Variants in FARS2 observed in about 807,000 individuals in gnomAD.
FARS2 encodes the protein phenylalanyl-tRNA synthetase 2, mitochondrial, also known as phenylalanine--tRNA ligase, mitochondrial.
FARS2 carries 40 observed loss-of-function variants against 46.4 expected under a neutral mutation model. The ratio of observed to expected loss-of-function variants is 0.86; its 90% CI spans 0.67 to 1.12. FARS2 has a LOEUF of 1.12. Ranked by LOEUF, FARS2 falls within the 50% of genes most tolerant of loss-of-function variation. The probability of loss-of-function intolerance (pLI) is 0.00; values close to 1 mark genes in which losing one functional copy is unlikely to be tolerated. For synonymous variants in FARS2, 234 were observed against 214.9 expected, an observed-to-expected ratio of 1.09 and a Z score of -0.78; for missense variants, 513 against 567.9, an observed-to-expected ratio of 0.90 and a Z score of 0.98.
chr6:5,701,283 C>T (rs941918363), intron 6 of FARS2, among the ~76,000 whole-genome samples: 2 of 152,262 alleles, frequency 1.3e-5, no homozygotes, highest in African/African-American at 4.8e-5. Flanking sequence ...GTTGGTCAAA[C>T]ACATGAAAAG....
chr6:5,647,724 A>C (rs991258942), intron 6 of FARS2, among the ~76,000 whole-genome samples: 3 of 152,258 alleles, frequency 2.0e-5, no homozygotes, highest in Non-Finnish European at 2.9e-5. Flanking sequence ...TGATGGGGAA[A>C]GGACTAACAA....
chr6:5,422,321 A>G (rs1188151313), intron 3 of FARS2, among the ~76,000 whole-genome samples: 1 of 152,072 alleles, frequency 6.6e-6, no homozygotes, highest in African/African-American at 2.4e-5. Context: ...GCCAAACCAT[A>G]TCACCTTTTA....
At chr6:5,528,068 A>T (rs952930835) in intron 4 of FARS2, among the ~76,000 whole-genome samples, 7 of 152,178 alleles carry the variant, frequency 4.6e-5, no homozygotes, top group Admixed American at 4.6e-4. Flanking sequence ...TATTCCCTTT[A>T]CGTTTTCAAA....
chr6:5,298,862 CAAAAAA>C (rs771852149), intron 1 of FARS2, among the ~76,000 whole-genome samples: 4 of 74,740 alleles, frequency 5.4e-5, no homozygotes, highest in Admixed American at 1.5e-4. Flanking sequence ...AACTCCATCT[CAAAAAA>C]AAAAAAAAAA....
chr6:5,644,566 C>G (rs531879434), intron 6 of FARS2, among the ~76,000 whole-genome samples: 1 of 152,214 alleles, frequency 6.6e-6, no homozygotes, highest in African/African-American at 2.4e-5. Context: ...GCCAGCAGAT[C>G]TACTCTCATG....
In FARS2 at chr6:5,431,144, G is replaced by A. The variant is rs776599876; in HGVS notation, c.876G>A (p.Gly292=). Residue 292 remains glycine (G), a synonymous_variant, in exon 4 of 7, where the codon GGG becomes GGA. Coordinates refer to ENST00000274680, the MANE Select transcript of FARS2 (RefSeq NM_006567.5). ...HGEWLEVLGC[G]VMEQQLVNSA... ...AATGGCTGGAAGTTCTTGGCTGCGG[G>A]GTGATGGAACAACAACTGGTCAATT... The A allele has an allele frequency of 5.0e-6, 8 of 1,613,852 alleles. No homozygotes were observed. In the East Asian group the frequency reaches 1.6e-4, roughly 31 times the overall value.
At chr6:5,701,534 T>G (rs150492614) in intron 6 of FARS2, among the ~76,000 whole-genome samples, 1 of 152,318 alleles carries the variant, frequency 6.6e-6, no homozygotes, top group East Asian at 1.9e-4. Context: ...AGGCGCAGAA[T>G]AGATTGTACT....
At chr6:5,534,206 C>T (rs547356261) in intron 4 of FARS2, among the ~76,000 whole-genome samples, 4 of 152,198 alleles carry the variant, frequency 2.6e-5, no homozygotes, top group Non-Finnish European at 4.4e-5. Flanking sequence ...CAGAAAGTGA[C>T]GAACACATGA....
intron 6 of FARS2, among the ~76,000 whole-genome samples, chr6:5,710,960 A>C (rs1759107698): frequency 6.6e-6 from 1 of 152,212 alleles, no homozygotes; most frequent in Non-Finnish European, 1.5e-5. Context: ...CTGGACTGAA[A>C]GCTGCTAACA....
intron 5 of FARS2, among the ~76,000 whole-genome samples, chr6:5,559,535 A>C (rs1309001840): frequency 6.6e-6 from 1 of 152,150 alleles, no homozygotes; most frequent in African/African-American, 2.4e-5. Flanking sequence ...TACCTTTCTC[A>C]TGTTCTTATC....
intron 6 of FARS2, among the ~76,000 whole-genome samples, chr6:5,643,496 G>A (rs900720390): frequency 1.3e-5 from 2 of 152,160 alleles, no homozygotes; most frequent in Admixed American, 6.5e-5. Flanking sequence ...GCCGACATTC[G>A]TTCATTCACT....
chr6:5,612,323 A>T (rs7751307), intron 5 of FARS2, among the ~76,000 whole-genome samples: 5,436 of 152,284 alleles, frequency 0.036, 305 homozygotes, highest in African/African-American at 0.12. Flanking sequence ...CCCTTCTAAA[A>T]GATGTTTGGA....
At chr6:5,341,194 T>TATATATATAG (rs1257727742) in intron 1 of FARS2, among the ~76,000 whole-genome samples, 143 of 7,754 alleles carry the variant, frequency 0.018, 5 homozygotes, top group Non-Finnish European at 0.029. Context: ...GGGAGATATA[T>TATATATATAG]ATATATATAT....
chr6:5,341,223 ATATATATATATATTTTT>A lies in FARS2; in HGVS notation c.-21-27325_-21-27309del, dbSNP rs1347804361. Among the ~76,000 whole-genome samples, 13 of 5,300 alleles carry A rather than the reference ATATATATATATATTTTT, an allele frequency of 2.5e-3. 1 individual carries two copies. The highest frequency in any genetic ancestry group is 8.2e-3 in the African/African-American group (12 of 1,468). The allele number at this position is 5,300 out of a possible 152,430, so 3.5% of individuals were successfully genotyped here. On this transcript the variant is annotated intron_variant, in intron 1 of 6. Transcript: ENST00000274680. ...TATATATATATATATATATATATAT[ATATATATATATATTTTT>A]TTTTTTTTTTTTTTTTTCCCTGTGA...
chr6:5,700,412 CTT>C (rs574788039), intron 6 of FARS2, among the ~76,000 whole-genome samples: 2 of 144,594 alleles, frequency 1.4e-5, no homozygotes, highest in Middle Eastern at 3.6e-3. Context: ...GTGGCAATTT[CTT>C]TTTTTTTTTT....
intron 4 of FARS2, among the ~76,000 whole-genome samples, chr6:5,501,642 G>C (rs1767807297): frequency 6.6e-6 from 1 of 152,036 alleles, no homozygotes; most frequent in Non-Finnish European, 1.5e-5. Flanking sequence ...CTACAGGCGT[G>C]AGCCACCACA....
At chr6:5,649,534 G>A (rs562234869) in intron 6 of FARS2, among the ~76,000 whole-genome samples, 1 of 152,338 alleles carries the variant, frequency 6.6e-6, no homozygotes, top group South Asian at 2.1e-4. Flanking sequence ...CAGGAACACC[G>A]TGAAGGATAC....
At chr6:5,461,173 GTAC>G (rs1263618482) in intron 4 of FARS2, among the ~76,000 whole-genome samples, 2 of 151,944 alleles carry the variant, frequency 1.3e-5, no homozygotes, top group African/African-American at 2.4e-5. Context: ...CGAGTAGCTG[GTAC>G]TACCGGCATG....
At chr6:5,580,014 G>A (rs1009639850) in intron 5 of FARS2, among the ~76,000 whole-genome samples, 4 of 151,890 alleles carry the variant, frequency 2.6e-5, no homozygotes, top group Non-Finnish European at 2.9e-5. Context: ...AGGGTAGGCC[G>A]GGCGCAGTGG....
Sources: allele counts gnomAD v4.1 joint callset (sites outside exome capture counted in the v4.1 genomes callset), GRCh38; gene constraint gnomAD v4.1.1; transcripts MANE v1.5; gene names NCBI Gene and HGNC (gene_info 2026-07-23, HGNC 2026-07-21).